The following ZFHX3 variants were observed in gnomAD, a reference collection of about 807,000 sequenced individuals.
The protein encoded by ZFHX3 is zinc finger homeobox 3.
A neutral mutation model predicts 279.1 loss-of-function variants in ZFHX3; 42 were observed. The ratio of observed to expected loss-of-function variants is 0.15; its 90% CI spans 0.12 to 0.19. The LOEUF is 0.19. ZFHX3 is among the 10% of genes least tolerant of loss of function. The pLI, the probability that ZFHX3 is intolerant of heterozygous loss-of-function variation, is 1.00. For missense variants in ZFHX3, 4,981 were observed against 4,754.0 expected, an observed-to-expected ratio of 1.05 and a Z score of -1.40; for synonymous variants, 2,293 against 1,957.8, an observed-to-expected ratio of 1.17 and a Z score of -4.52.
chr16:72,906,177 C>A lies in ZFHX3; in HGVS notation c.3217-16215G>T, dbSNP rs552024681. The stretch of plus-strand genomic sequence containing the variant: ...GCCTCCTGGTTGGTCAGCTCTCCAG[C>A]TCCTAGTGGAATGAGACTGGAAGGC... On this transcript the variant is annotated intron_variant, in intron 3 of 9. Coordinates refer to ENST00000268489, the MANE Select transcript of ZFHX3 (RefSeq NM_006885.4). 4.6e-5 allele frequency among the ~76,000 whole-genome samples: 7 copies of A among 152,026 alleles called. 1 individual carries two copies. In the South Asian group the frequency reaches 1.5e-3, roughly 32 times the overall value.
At chr16:73,000,928 G>T (rs1405069460) in intron 1 of ZFHX3, among the ~76,000 whole-genome samples, 3 of 152,138 alleles carry the variant, frequency 2.0e-5, no homozygotes, top group Non-Finnish European at 4.4e-5. Context: ...TGAACAAACT[G>T]TCGCCTCACT....
intron 5 of ZFHX3, among the ~76,000 whole-genome samples, chr16:73,166,884 G>T (rs1373991654): frequency 5.3e-5 from 8 of 152,140 alleles, no homozygotes; most frequent in Non-Finnish European, 8.8e-5. Context: ...AGATAAAAGT[G>T]CCATCTGAAC....
At chr16:72,850,910 C>T (rs557701788) in intron 4 of ZFHX3, among the ~76,000 whole-genome samples, 6 of 151,586 alleles carry the variant, frequency 4.0e-5, no homozygotes, top group Admixed American at 3.3e-4. Context: ...GTGCAAGCAA[C>T]GAAAACTGGT....
intron 1 of ZFHX3, among the ~76,000 whole-genome samples, chr16:73,057,277 A>G (rs1441707654): frequency 6.6e-6 from 1 of 152,234 alleles, no homozygotes; most frequent in Non-Finnish European, 1.5e-5. Flanking sequence ...ATTCTGAGCA[A>G]CAGCTTCACT....
At chr16:73,744,775 A>G (rs1016751752) in intron 1 of ZFHX3, among the ~76,000 whole-genome samples, 1 of 152,082 alleles carries the variant, frequency 6.6e-6, no homozygotes, top group Admixed American at 6.6e-5. Context: ...GAATATTACT[A>G]TTTCTCCCTC....
At chr16:73,857,774 G>A (rs1419105221) in intron 1 of ZFHX3, among the ~76,000 whole-genome samples, 8 of 152,310 alleles carry the variant, frequency 5.3e-5, no homozygotes, top group South Asian at 2.1e-4. Context: ...CTGGCTGGTA[G>A]AGGCTGATCC....
intron 3 of ZFHX3, among the ~76,000 whole-genome samples, chr16:73,429,392 G>A (rs905487274): frequency 1.3e-5 from 2 of 152,072 alleles, no homozygotes; most frequent in African/African-American, 4.8e-5. Context: ...GAGTGTAGTG[G>A]TGCAATCTCG....
chr16:73,418,717 C>T (rs79023482), intron 3 of ZFHX3, among the ~76,000 whole-genome samples: 1,991 of 152,304 alleles, frequency 0.013, 52 homozygotes, highest in African/African-American at 0.045. Context: ...GGTCTCCCAT[C>T]CCCTCTGTTT....
intron 1 of ZFHX3, among the ~76,000 whole-genome samples, chr16:73,003,160 T>C (rs1169223477): frequency 1.3e-5 from 2 of 152,172 alleles, no homozygotes; most frequent in African/African-American, 2.4e-5. Context: ...ATTTTTCAGA[T>C]AGTTTCCATT....
chr16:73,388,584 A>C (rs2016947784), intron 3 of ZFHX3, among the ~76,000 whole-genome samples: 1 of 152,148 alleles, frequency 6.6e-6, no homozygotes, highest in African/African-American at 2.4e-5. Context: ...GCTATCCCTA[A>C]GCCAACCTGC....
intron 3 of ZFHX3, among the ~76,000 whole-genome samples, chr16:72,894,196 GA>G (rs1283782971): frequency 6.6e-6 from 1 of 151,202 alleles, no homozygotes; most frequent in Non-Finnish European, 1.5e-5. Flanking sequence ...TGGTTGCCAG[GA>G]AACAGCTGTG....
intron 4 of ZFHX3, among the ~76,000 whole-genome samples, chr16:73,305,056 C>T (rs1392814045): frequency 7.1e-6 from 1 of 140,568 alleles, no homozygotes; most frequent in African/African-American, 2.7e-5. Flanking sequence ...ACAGAGACCA[C>T]AAATAAAATA....
intron 2 of ZFHX3, among the ~76,000 whole-genome samples, chr16:73,629,538 T>A (rs574083584): frequency 6.6e-5 from 10 of 151,780 alleles, no homozygotes; most frequent in African/African-American, 2.4e-4. Context: ...CAAAGAAAGA[T>A]GCACCTGCCA....
intron 2 of ZFHX3, among the ~76,000 whole-genome samples, chr16:73,536,457 G>T (rs954525729): frequency 4.6e-5 from 7 of 152,248 alleles, no homozygotes; most frequent in African/African-American, 1.7e-4. Context: ...TATTCTTGCT[G>T]CAACAGTGTG....
chr16:73,695,110 C>G (rs1188054604), intron 1 of ZFHX3, among the ~76,000 whole-genome samples: 1 of 152,210 alleles, frequency 6.6e-6, no homozygotes, highest in Non-Finnish European at 1.5e-5. Context: ...GTAAGCCACT[C>G]CTCCTATACC....
At chr16:72,983,291 T>C (rs1962690873) in intron 1 of ZFHX3, among the ~76,000 whole-genome samples, 1 of 152,048 alleles carries the variant, frequency 6.6e-6, no homozygotes, top group Non-Finnish European at 1.5e-5. Flanking sequence ...TTCCAATTCA[T>C]GGAATGAGGT....
chr16:73,355,241 CCTTTT>C (rs2016318545), intron 3 of ZFHX3, among the ~76,000 whole-genome samples: 1 of 152,184 alleles, frequency 6.6e-6, no homozygotes, highest in African/African-American at 2.4e-5. Flanking sequence ...CTCTTTTCTG[CCTTTT>C]CTTCTCTTCT....
intron 5 of ZFHX3, among the ~76,000 whole-genome samples, chr16:73,244,505 A>G (rs2013222777): frequency 6.6e-6 from 1 of 152,226 alleles, no homozygotes; most frequent in Non-Finnish European, 1.5e-5. Flanking sequence ...ATTATGGCAT[A>G]ACAGTCAAGG....
At chr16:73,817,541 G>C (rs906551859) in intron 1 of ZFHX3, among the ~76,000 whole-genome samples, 4 of 152,168 alleles carry the variant, frequency 2.6e-5, no homozygotes, top group African/African-American at 7.2e-5. Context: ...CTGACAGAGA[G>C]ATTGGGAAGT....
Sources: allele counts gnomAD v4.1 joint callset (sites outside exome capture counted in the v4.1 genomes callset), GRCh38; gene constraint gnomAD v4.1.1; transcripts MANE v1.5; gene names NCBI Gene and HGNC (gene_info 2026-07-23, HGNC 2026-07-21).